CNTN4: variants seen among roughly 807,000 people sequenced by gnomAD.
The protein encoded by CNTN4 is contactin-4.
A neutral mutation model predicts 122.5 loss-of-function variants in CNTN4; 77 were observed. The observed-to-expected ratio is 0.63, with a 90% CI of 0.52 to 0.76. CNTN4 has a LOEUF of 0.76. CNTN4 is among the 30% of genes least tolerant of loss of function. The pLI, the probability that CNTN4 is intolerant of heterozygous loss-of-function variation, is 0.00. For synonymous variants in CNTN4, 512 were observed against 447.0 expected, an observed-to-expected ratio of 1.15 and a Z score of -1.83; for missense variants, 1,256 against 1,259.1, an observed-to-expected ratio of 1.00 and a Z score of 0.04.
intron 3 of CNTN4, among the ~76,000 whole-genome samples, chr3:2,398,865 G>T (rs1245030565): frequency 1.3e-5 from 2 of 152,078 alleles, no homozygotes; most frequent in Admixed American, 1.3e-4. Flanking sequence ...TTTTACCAGA[G>T]ATTTGAATTA....
chr3:2,318,166 T>A (rs948870102), intron 2 of CNTN4, among the ~76,000 whole-genome samples: 7 of 151,092 alleles, frequency 4.6e-5, no homozygotes, highest in Middle Eastern at 3.4e-3. Context: ...GTGTGATGAT[T>A]GCAACTGTGA....
intron 2 of CNTN4, among the ~76,000 whole-genome samples, chr3:2,336,733 A>G (rs1354521405): frequency 3.9e-5 from 6 of 152,162 alleles, no homozygotes; most frequent in Admixed American, 3.9e-4. Context: ...GAAGTCAGGA[A>G]ATGTGGCTGC....
chr3:2,644,891 T>C (rs2083052278), intron 4 of CNTN4, among the ~76,000 whole-genome samples: 1 of 150,158 alleles, frequency 6.7e-6, no homozygotes, highest in Non-Finnish European at 1.5e-5. Context: ...ACATCTAGTA[T>C]TATTCTGCTT....
At chr3:2,443,372 G>A (rs1333018933) in intron 3 of CNTN4, among the ~76,000 whole-genome samples, 4 of 152,104 alleles carry the variant, frequency 2.6e-5, no homozygotes, top group Non-Finnish European at 5.9e-5. Flanking sequence ...AGGGCCACTA[G>A]TTTCTTGCAG....
intron 4 of CNTN4, among the ~76,000 whole-genome samples, chr3:2,590,403 C>T (rs1009168292): frequency 1.3e-5 from 2 of 152,058 alleles, no homozygotes; most frequent in African/African-American, 4.8e-5. Flanking sequence ...ATTACAGACA[C>T]ATGCCATCAC....
intron 2 of CNTN4, among the ~76,000 whole-genome samples, chr3:2,225,010 T>C (rs1009523530): frequency 6.6e-6 from 1 of 151,056 alleles, no homozygotes; most frequent in Non-Finnish European, 1.5e-5. Context: ...ATTAGCCGGT[T>C]GCGGTGGCGG....
intron 3 of CNTN4, among the ~76,000 whole-genome samples, chr3:2,475,895 G>A (rs1205991216): frequency 6.6e-6 from 1 of 152,118 alleles, no homozygotes; most frequent in African/African-American, 2.4e-5. Context: ...GGGTTCTTTT[G>A]TTTAGTATTT....
At chr3:2,558,986 G>A (rs568386308) in intron 3 of CNTN4, among the ~76,000 whole-genome samples, 1 of 152,252 alleles carries the variant, frequency 6.6e-6, no homozygotes, top group East Asian at 1.9e-4. Context: ...CCTGAAATCT[G>A]GTTCTCTGAG....
At chr3:2,194,047 G>A (rs931471998) in intron 2 of CNTN4, among the ~76,000 whole-genome samples, 3 of 152,122 alleles carry the variant, frequency 2.0e-5, no homozygotes, top group African/African-American at 7.2e-5. Context: ...GTTAGTAACT[G>A]TACTATGGGT....
At chr3:2,694,546 A>T (rs2085916825) in intron 4 of CNTN4, among the ~76,000 whole-genome samples, 1 of 152,294 alleles carries the variant, frequency 6.6e-6, no homozygotes, top group Non-Finnish European at 1.5e-5. Flanking sequence ...CCTGGCAAAC[A>T]TAACAAAGCC....
chr3:2,614,818 T>C (rs564723659), intron 4 of CNTN4, among the ~76,000 whole-genome samples: 34 of 152,010 alleles, frequency 2.2e-4, no homozygotes, highest in Non-Finnish European at 4.6e-4. Flanking sequence ...AGGAAGAGAC[T>C]AGGCCTGGAG....
At chr3:2,344,345 G>A (rs918083535) in intron 3 of CNTN4, among the ~76,000 whole-genome samples, 1 of 150,032 alleles carries the variant, frequency 6.7e-6, no homozygotes, top group Non-Finnish European at 1.5e-5. Flanking sequence ...GTGTGATCTC[G>A]GCTCACTGCA....
At chr3:3,033,094 T>C (rs1320096577) in intron 16 of CNTN4, among the ~76,000 whole-genome samples, 1 of 152,176 alleles carries the variant, frequency 6.6e-6, no homozygotes, top group African/African-American at 2.4e-5. Context: ...GGAAACACTT[T>C]TCTATTTGTG....
chr3:2,569,467 C>A (rs2079324820), intron 3 of CNTN4, among the ~76,000 whole-genome samples: 2 of 152,082 alleles, frequency 1.3e-5, no homozygotes, highest in Admixed American at 1.3e-4. Flanking sequence ...GTACATATAT[C>A]AAAATATCAC....
At chr3:2,483,931 T>C (rs1391473574) in intron 3 of CNTN4, among the ~76,000 whole-genome samples, 1 of 152,148 alleles carries the variant, frequency 6.6e-6, no homozygotes, top group Non-Finnish European at 1.5e-5. Context: ...AAAGGCAAGA[T>C]CTATGAAAGA....
At chr3:2,314,028 CT>C (rs2043006697) in intron 2 of CNTN4, among the ~76,000 whole-genome samples, 1 of 151,838 alleles carries the variant, frequency 6.6e-6, no homozygotes, top group Admixed American at 6.6e-5. Context: ...TTTATAACAC[CT>C]TTTAAAATGT....
At chr3:2,875,946 G>A (rs150322331) in intron 8 of CNTN4, among the ~76,000 whole-genome samples, 185 of 152,310 alleles carry the variant, frequency 1.2e-3, no homozygotes, top group African/African-American at 3.9e-3. Flanking sequence ...AACCAGTACC[G>A]TCCAGCGCAA....
chr3:2,253,643 ATT>A (rs1160179429), intron 2 of CNTN4, among the ~76,000 whole-genome samples: 1 of 143,158 alleles, frequency 7.0e-6, no homozygotes. Context: ...TTACTTTTTC[ATT>A]TTTTTTTTTT....
intron 4 of CNTN4, among the ~76,000 whole-genome samples, chr3:2,646,940 C>T (rs774688799): frequency 6.6e-6 from 1 of 152,100 alleles, no homozygotes; most frequent in Non-Finnish European, 1.5e-5. Context: ...TCTAAGGTAC[C>T]AGGGGTTAGG....
Sources: gnomAD v4.1 joint callset for allele counts (sites outside exome capture counted in the v4.1 genomes callset) on GRCh38, gnomAD v4.1.1 for gene constraint, MANE v1.5 for transcripts, NCBI Gene and HGNC (gene_info 2026-07-23, HGNC 2026-07-21) for gene names.